SPIDR: variants seen among roughly 807,000 people sequenced by gnomAD.
SPIDR encodes scaffold protein involved in DNA repair.
In SPIDR, 93 loss-of-function variants were observed where a neutral mutation model predicts 104.6. That is an observed-to-expected ratio of 0.89 (90% confidence interval 0.75 to 1.06). The LOEUF (loss-of-function observed/expected upper bound fraction) is 1.06. Among genes scored for constraint, SPIDR ranks in the 50% least tolerant of loss-of-function variants. The probability of loss-of-function intolerance (pLI) is 0.00; values close to 1 mark genes in which losing one functional copy is unlikely to be tolerated. For synonymous variants in SPIDR, 431 were observed against 416.9 expected, an observed-to-expected ratio of 1.03 and a Z score of -0.41; for missense variants, 1,154 against 1,111.2, an observed-to-expected ratio of 1.04 and a Z score of -0.55.
chr8:47,728,984 C>G lies in SPIDR; in HGVS notation c.2487C>G (p.Leu829=), dbSNP rs182240988. Residue 829 remains leucine, a synonymous_variant, in exon 18 of 20, where the codon CTC becomes CTG. Coordinates refer to ENST00000297423, the MANE Select transcript of SPIDR (RefSeq NM_001080394.4). ...DCSRVVTSPV[L]KRHLQVFLDC... Reference sequence around the variant, plus strand: ...CCCGGGTGGTCACATCTCCTGTTCTCAAGAGGCACCTGCAGGTCTTCCTGG... The same window carrying G: ...CCCGGGTGGTCACATCTCCTGTTCTGAAGAGGCACCTGCAGGTCTTCCTGG... 66 of 1,613,940 alleles carry G rather than the reference C, an allele frequency of 4.1e-5. No homozygotes were observed. Among genetic ancestry groups the G allele is most frequent in the Admixed American group, 1.0e-4 (6 of 60,012 alleles).
intron 8 of SPIDR, among the ~76,000 whole-genome samples, chr8:47,445,000 G>C (rs1407821247): frequency 6.6e-6 from 1 of 152,156 alleles, no homozygotes; most frequent in Non-Finnish European, 1.5e-5. Flanking sequence ...ATAGTAAAGG[G>C]TATGTGTTTC....
Position 47,729,442 on chromosome 8 carries a change from AGGTTTGCCGCC to A in SPIDR, c.2585_2595del (p.Phe862Ter), listed in dbSNP as rs1028836175. On this transcript the variant is annotated frameshift_variant, in exon 19 of 20. Coordinates refer to ENST00000297423, the MANE Select transcript of SPIDR (RefSeq NM_001080394.4). LOFTEE classifies it low-confidence loss of function (END_TRUNC). The stretch of plus-strand genomic sequence containing the variant: ...GCAGCGCAGCATTTCCTCCCTGCTG[AGGTTTGCCGCC>A]GGTGAAGATGGGGTAAGTGCAGGGG... The A allele has an allele frequency of 5.0e-6, 8 of 1,598,186 alleles. No individual in the cohort carries two copies. Among genetic ancestry groups the A allele is most frequent in the Admixed American group, 1.7e-5 (1 of 57,798 alleles).
intron 8 of SPIDR, among the ~76,000 whole-genome samples, chr8:47,520,404 A>C (rs1490289364): frequency 6.6e-6 from 1 of 152,160 alleles, no homozygotes; most frequent in Admixed American, 6.5e-5. Context: ...TGAATTGTTT[A>C]ATTTTATGCT....
intron 5 of SPIDR, chr8:47,357,777 A>G (rs2054851935): frequency 1.2e-5 from 10 of 817,206 alleles, no homozygotes; most frequent in Non-Finnish European, 1.2e-5. Context: ...TGGAGTTCTG[A>G]AAAAAAATTA....
intron 7 of SPIDR, among the ~76,000 whole-genome samples, chr8:47,439,635 C>G (rs1465191330): frequency 6.6e-6 from 1 of 152,164 alleles, no homozygotes; most frequent in Non-Finnish European, 1.5e-5. Context: ...ATAGGCTATG[C>G]ACACTATCAA....
At chr8:47,577,961 T>G (rs904974610) in intron 8 of SPIDR, among the ~76,000 whole-genome samples, 1 of 152,156 alleles carries the variant, frequency 6.6e-6, no homozygotes, top group African/African-American at 2.4e-5. Flanking sequence ...AGATAAAGAT[T>G]TATGGTTGGC....
At chr8:47,301,009 T>G (rs1037689331) in intron 5 of SPIDR, among the ~76,000 whole-genome samples, 1 of 152,192 alleles carries the variant, frequency 6.6e-6, no homozygotes, top group Non-Finnish European at 1.5e-5. Flanking sequence ...CCTTGTTAAC[T>G]TTCTGTCTCA....
chr8:47,672,917 T>A (rs2075978303), intron 10 of SPIDR, among the ~76,000 whole-genome samples: 1 of 152,234 alleles, frequency 6.6e-6, no homozygotes, highest in South Asian at 2.1e-4. Context: ...CTGGAAGACT[T>A]CATTAAGGAG....
intron 10 of SPIDR, among the ~76,000 whole-genome samples, chr8:47,625,467 T>G (rs185841336): frequency 1.1e-4 from 16 of 152,352 alleles, no homozygotes; most frequent in Admixed American, 5.2e-4. Context: ...ACAGATGACA[T>G]GATTGCATAT....
At chr8:47,557,624 G>A (rs544822063) in intron 8 of SPIDR, among the ~76,000 whole-genome samples, 1 of 152,266 alleles carries the variant, frequency 6.6e-6, no homozygotes, top group South Asian at 2.1e-4. Context: ...ACAGGTGTTG[G>A]CTGAACCCTT....
chr8:47,463,531 A>T (rs1378455667), intron 8 of SPIDR, among the ~76,000 whole-genome samples: 1 of 152,098 alleles, frequency 6.6e-6, no homozygotes, highest in Non-Finnish European at 1.5e-5. Context: ...CCCTGAGGCT[A>T]GCATTACCCT....
Position 47,466,952 on chromosome 8 carries a change from TAA to T in SPIDR, c.1097+26415_1097+26416del, listed in dbSNP as rs536971446. Among the ~76,000 whole-genome samples, 319 of 137,218 alleles carry T rather than the reference TAA, an allele frequency of 2.3e-3. 3 individuals carry two copies. The highest frequency in any genetic ancestry group is 8.7e-3 in the African/African-American group (311 of 35,606). 90.0% of individuals were successfully genotyped at this position (137,218 alleles called of 152,430 possible). A position where few individuals can be genotyped will look rare whatever the true frequency, so the allele number is the denominator to read the frequency against. ...AGATAGATAGATAGATAGATAGATA[TAA>T]AAAATAGACTGCTAGCTAGACTAAA... On this transcript the variant is annotated intron_variant, in intron 8 of 19. Coordinates refer to ENST00000297423, the MANE Select transcript of SPIDR (RefSeq NM_001080394.4).
At chr8:47,388,587 A>C (rs2060214932) in intron 5 of SPIDR, 1 of 154,056 alleles carries the variant, frequency 6.5e-6, no homozygotes, top group Non-Finnish European at 1.5e-5. Flanking sequence ...GTCAGTTCAA[A>C]ATCTGGAGGA....
intron 8 of SPIDR, among the ~76,000 whole-genome samples, chr8:47,440,861 A>G (rs571982745): frequency 1.6e-4 from 25 of 152,212 alleles, no homozygotes; most frequent in Non-Finnish European, 2.6e-4. Flanking sequence ...TTTTGTTAAC[A>G]GGCATTATGT....
chr8:47,731,246 C>A (rs1366393708), intron 19 of SPIDR, among the ~76,000 whole-genome samples: 8 of 151,344 alleles, frequency 5.3e-5, no homozygotes, highest in African/African-American at 1.2e-4. Flanking sequence ...GAGCAAGACT[C>A]CGTCTCAGAA....
At chr8:47,310,622 G>A (rs183442273) in intron 5 of SPIDR, among the ~76,000 whole-genome samples, 4 of 152,236 alleles carry the variant, frequency 2.6e-5, no homozygotes, top group Admixed American at 1.3e-4. Flanking sequence ...GACAGAACTC[G>A]GTCATTGGTT....
intron 1 of SPIDR, among the ~76,000 whole-genome samples, 178 bp from the exon 2 acceptor site, chr8:47,279,683 TG>T (rs1563470092): frequency 6.6e-6 from 1 of 152,244 alleles, no homozygotes; most frequent in African/African-American, 2.4e-5. Flanking sequence ...TGTGTTTCTA[TG>T]TTTTTGGCTT....
chr8:47,504,184 C>T (rs1484329048), intron 8 of SPIDR, among the ~76,000 whole-genome samples: 1 of 152,160 alleles, frequency 6.6e-6, no homozygotes, highest in Non-Finnish European at 1.5e-5. Context: ...GTTGGCCTGC[C>T]TTGCTAGATT....
intron 10 of SPIDR, among the ~76,000 whole-genome samples, chr8:47,623,162 G>A (rs2065419561): frequency 6.6e-6 from 1 of 152,048 alleles, no homozygotes; most frequent in African/African-American, 2.4e-5. Flanking sequence ...AATAAGAAAT[G>A]ATTTACCACA....
Sources: allele counts gnomAD v4.1 joint callset (sites outside exome capture counted in the v4.1 genomes callset), GRCh38; gene constraint gnomAD v4.1.1; transcripts MANE v1.5; gene names NCBI Gene and HGNC (gene_info 2026-07-23, HGNC 2026-07-21).